The following PAFAH1B1 variants were observed in gnomAD, a reference collection of about 807,000 sequenced individuals.
The protein encoded by PAFAH1B1 is platelet-activating factor acetylhydrolase IB subunit beta.
PAFAH1B1 carries 2 observed loss-of-function variants against 57.5 expected under a neutral mutation model. The observed-to-expected ratio is 0.03, with a 90% CI of 0.01 to 0.11. The LOEUF (loss-of-function observed/expected upper bound fraction) is 0.11. PAFAH1B1 is among the 10% of genes least tolerant of loss of function. The pLI is 1.00. For synonymous variants in PAFAH1B1, 152 were observed against 169.6 expected (o/e 0.90, Z 0.81); for missense variants, 257 against 512.0 (o/e 0.50, Z 4.81).
rs550151888 is a variant in PAFAH1B1, at chr17:2,608,140, A to C, written c.-191+14134A>C. On this transcript the variant is annotated intron_variant, in intron 1 of 10. Coordinates refer to ENST00000397195, the MANE Select transcript of PAFAH1B1 (RefSeq NM_000430.4). ...CACTCTGTTGTCCAAGCTGGAGTGCAATGGCACAATATCAGCTCACTGCAA... is the reference window on the plus strand; with the variant it reads ...CACTCTGTTGTCCAAGCTGGAGTGCCATGGCACAATATCAGCTCACTGCAA... Among the ~76,000 whole-genome samples, 7 of 151,844 alleles carry C rather than the reference A, an allele frequency of 4.6e-5. No individual in the cohort carries two copies. The East Asian group carries it at 1.4e-3, about 29-fold the overall frequency.
intron 2 of PAFAH1B1, among the ~76,000 whole-genome samples, chr17:2,648,795 A>G (rs550981240): frequency 6.6e-6 from 1 of 151,970 alleles, no homozygotes; most frequent in Non-Finnish European, 1.5e-5. Flanking sequence ...ATAACAGGAT[A>G]TTTTCTTAAC....
intron 7 of PAFAH1B1, 126 bp downstream of exon 7, chr17:2,672,883 C>A: frequency 1.4e-6 from 1 of 696,938 alleles, no homozygotes; most frequent in Non-Finnish European, 2.6e-6. Context: ...GCCTGGCCAA[C>A]ATGATGAAAC....
At chr17:2,643,067 G>A (rs1049542277) in intron 2 of PAFAH1B1, among the ~76,000 whole-genome samples, 3 of 152,014 alleles carry the variant, frequency 2.0e-5, no homozygotes, top group Non-Finnish European at 4.4e-5. Flanking sequence ...AATAAAAGTA[G>A]CATACTGTAT....
intron 1 of PAFAH1B1, chr17:2,613,807 C>T (rs922093989): frequency 4.9e-5 from 14 of 286,522 alleles, no homozygotes; most frequent in Middle Eastern, 1.1e-3. Context: ...TGATGCCGGG[C>T]GAGCATCTCC....
At position 2,666,095 on chromosome 17, in the gene PAFAH1B1, CTA is replaced by C; in HGVS notation, c.192+6_192+7del. On this transcript the variant is annotated splice_donor_region_variant and intron_variant, in intron 4 of 10. Transcript: ENST00000397195. ...GTTATTAGATTACAAAAGAAGGTAA[CTA>C]AGTCTTTTTTCTTTAAAATTAGTTG... 6.7e-7 allele frequency: 1 copy of C among 1,494,490 alleles called. No individual in the cohort carries two copies. The highest frequency in any genetic ancestry group is 9.2e-7 in the Non-Finnish European group (1 of 1,092,606). The allele number at this position is 1,494,490 out of a possible 1,614,324, so 92.6% of individuals were successfully genotyped here.
chr17:2,642,789 CTT>C (rs1226581880), intron 2 of PAFAH1B1, among the ~76,000 whole-genome samples: 1 of 152,144 alleles, frequency 6.6e-6, no homozygotes, highest in Non-Finnish European at 1.5e-5. Flanking sequence ...TGTTTTCCCT[CTT>C]TGCATGATGG....
intron 2 of PAFAH1B1, among the ~76,000 whole-genome samples, chr17:2,662,201 C>T (rs2069023848): frequency 6.6e-6 from 1 of 152,030 alleles, no homozygotes; most frequent in South Asian, 2.1e-4. Context: ...TTTTCATAAA[C>T]TTGTAATAGT....
chr17:2,652,942 A>G (rs796144948), intron 2 of PAFAH1B1, among the ~76,000 whole-genome samples: 1 of 152,186 alleles, frequency 6.6e-6, no homozygotes, highest in African/African-American at 2.4e-5. Flanking sequence ...AGGATTATAA[A>G]TCATGCTGCT....
rs181192011 is a variant in PAFAH1B1, at chr17:2,683,814, A to G, written c.*2012A>G. On this transcript the variant is annotated 3_prime_UTR_variant, in exon 11 of 11. Transcript: ENST00000397195. ...AATATCTTTGTTCTTGTTTGCTGCT[A>G]TTTTCTGTCCTATTTTGAGAAATAT... 6.6e-6 allele frequency: 1 copy of G among 152,628 alleles called. No individual in the cohort carries two copies. Among genetic ancestry groups the G allele is most frequent in the East Asian group, 1.9e-4 (1 of 5,186 alleles). The allele number at this position is 152,628 out of a possible 1,614,324, so 9.5% of individuals were successfully genotyped here.
chr17:2,669,327 T>A (rs2069149114), intron 5 of PAFAH1B1, among the ~76,000 whole-genome samples: 1 of 151,436 alleles, frequency 6.6e-6, no homozygotes, highest in African/African-American at 2.4e-5. Context: ...TGCAGTGGTA[T>A]GATCTTGGCT....
rs560085012 is a variant in PAFAH1B1 at position 2,650,249 on chromosome 17, C to T, written c.32+11929C>T. On this transcript the variant is annotated intron_variant, in intron 2 of 10. Coordinates refer to ENST00000397195, the MANE Select transcript of PAFAH1B1 (RefSeq NM_000430.4). ...TCTGGCAGCCAGGTGCAGTGGCTCACGCCTGTAATCCCAACACTTTGGGAG... is the reference window on the plus strand; with the variant it reads ...TCTGGCAGCCAGGTGCAGTGGCTCATGCCTGTAATCCCAACACTTTGGGAG... 7.2e-5 allele frequency among the ~76,000 whole-genome samples: 11 copies of T among 152,258 alleles called. No individual in the cohort carries two copies. The East Asian group carries it at 1.2e-3, about 16-fold the overall frequency.
intron 1 of PAFAH1B1, among the ~76,000 whole-genome samples, chr17:2,630,899 AT>A (rs1160718264): frequency 6.6e-6 from 1 of 152,108 alleles, no homozygotes; most frequent in Non-Finnish European, 1.5e-5. Context: ...GCCATAAAAG[AT>A]TGTTAAAAAT....
intron 6 of PAFAH1B1, among the ~76,000 whole-genome samples, chr17:2,672,140 G>A (rs2069192637): frequency 6.6e-6 from 1 of 151,822 alleles, no homozygotes; most frequent in Non-Finnish European, 1.5e-5. Context: ...GGTGGTACCA[G>A]ATGTGGTGGT....
chr17:2,612,683 C>T (rs1337476753), intron 1 of PAFAH1B1, among the ~76,000 whole-genome samples: 2 of 152,102 alleles, frequency 1.3e-5, no homozygotes, highest in Admixed American at 6.6e-5. Flanking sequence ...AACACGGCTT[C>T]TCTGTAGCCT....
chr17:2,599,356 T>C (rs902217845), intron 1 of PAFAH1B1, among the ~76,000 whole-genome samples: 2 of 152,340 alleles, frequency 1.3e-5, no homozygotes, highest in African/African-American at 2.4e-5. Context: ...TCTATAACGA[T>C]TGGACTCCTT....
intron 1 of PAFAH1B1, among the ~76,000 whole-genome samples, chr17:2,605,849 A>G (rs906686770): frequency 2.0e-5 from 3 of 152,222 alleles, no homozygotes; most frequent in Non-Finnish European, 2.9e-5. Flanking sequence ...TAAGTACTCA[A>G]TAAATATTGT....
chr17:2,630,275 C>T (rs1327877283), intron 1 of PAFAH1B1, among the ~76,000 whole-genome samples: 4 of 152,098 alleles, frequency 2.6e-5, no homozygotes, highest in African/African-American at 9.7e-5. Flanking sequence ...TTTAGAGCTC[C>T]GTTTAGCAGT....
At chr17:2,600,524 C>T (rs1310883338) in intron 1 of PAFAH1B1, among the ~76,000 whole-genome samples, 33 of 135,380 alleles carry the variant, frequency 2.4e-4, no homozygotes, top group Non-Finnish European at 3.5e-4. Context: ...GAGCCGAGAT[C>T]GTGCCATTGC....
intron 1 of PAFAH1B1, among the ~76,000 whole-genome samples, chr17:2,596,123 CA>C (rs1374869572): frequency 6.6e-6 from 1 of 152,118 alleles, no homozygotes; most frequent in Non-Finnish European, 1.5e-5. Flanking sequence ...GAATAAAAAG[CA>C]ATGTCCCTGC....
Sources: allele counts gnomAD v4.1 joint callset (sites outside exome capture counted in the v4.1 genomes callset), GRCh38; gene constraint gnomAD v4.1.1; transcripts MANE v1.5; gene names NCBI Gene and HGNC (gene_info 2026-07-23, HGNC 2026-07-21).